The following ATG10 variants were observed in gnomAD, a reference collection of about 807,000 sequenced individuals.
ATG10 encodes ubiquitin-like-conjugating enzyme ATG10.
Under a neutral mutation model 32.1 loss-of-function variants are expected in ATG10, and 30 were observed. The ratio of observed to expected loss-of-function variants is 0.94; its 90% CI spans 0.70 to 1.27. The LOEUF (loss-of-function observed/expected upper bound fraction) is 1.27, where lower values mean the gene tolerates loss of function less well. Among genes scored for constraint, ATG10 ranks in the 50% most tolerant of loss-of-function variants. The pLI is 0.00. For missense variants in ATG10, 233 were observed against 262.3 expected (o/e 0.89, Z 0.77); for synonymous variants, 87 against 91.5 (o/e 0.95, Z 0.28).
intron 3 of ATG10, among the ~76,000 whole-genome samples, chr5:82,135,187 A>G (rs1766673955): frequency 1.3e-5 from 2 of 152,014 alleles, no homozygotes; most frequent in South Asian, 4.2e-4. Context: ...TCCTGGATTC[A>G]TTGATTTTTT....
intron 4 of ATG10, among the ~76,000 whole-genome samples, chr5:82,174,587 G>A (rs1296406038): frequency 6.6e-6 from 1 of 152,114 alleles, no homozygotes; most frequent in Non-Finnish European, 1.5e-5. Context: ...AAACCTATTT[G>A]GGACTAGTAA....
chr5:82,216,633 T>C (rs1745689812), intron 5 of ATG10, among the ~76,000 whole-genome samples: 1 of 152,228 alleles, frequency 6.6e-6, no homozygotes, highest in African/African-American at 2.4e-5. Flanking sequence ...AAGCCACTTC[T>C]AGATACTTGC....
At chr5:82,092,782 GACCCT>G (rs1764935332) in intron 3 of ATG10, among the ~76,000 whole-genome samples, 1 of 152,126 alleles carries the variant, frequency 6.6e-6, no homozygotes, top group Non-Finnish European at 1.5e-5. Context: ...TGAATAAATA[GACCCT>G]ACCTCTTGAG....
At chr5:82,178,721 A>G (rs1475392712) in intron 5 of ATG10, 134 bp downstream of exon 5, 9 of 565,176 alleles carry the variant, frequency 1.6e-5, no homozygotes, top group Non-Finnish European at 2.7e-5. Flanking sequence ...CACCTCAAAG[A>G]CAGTTTCCTT....
At chr5:82,054,638 C>T (rs1237950051) in intron 2 of ATG10, among the ~76,000 whole-genome samples, 1 of 152,200 alleles carries the variant, frequency 6.6e-6, no homozygotes, top group African/African-American at 2.4e-5. Context: ...TGCTTTAGTC[C>T]TTCACCCTCT....
At chr5:82,121,928 A>T (rs940959916) in intron 3 of ATG10, among the ~76,000 whole-genome samples, 2 of 136,818 alleles carry the variant, frequency 1.5e-5, no homozygotes, top group Non-Finnish European at 3.1e-5. Flanking sequence ...TTTTGCATCA[A>T]TATTGGCCTG....
At chr5:82,031,942 A>T (rs1041265506) in intron 2 of ATG10, among the ~76,000 whole-genome samples, 1 of 152,254 alleles carries the variant, frequency 6.6e-6, no homozygotes, top group African/African-American at 2.4e-5. Flanking sequence ...ATTTGGAGCA[A>T]CTATAGCAGC....
intron 5 of ATG10, among the ~76,000 whole-genome samples, chr5:82,216,826 G>T (rs1449280555): frequency 6.6e-6 from 1 of 152,152 alleles, no homozygotes; most frequent in Non-Finnish European, 1.5e-5. Context: ...GGAGGCCGAG[G>T]TGGGTGGATC....
At chr5:82,202,953 G>T (rs775709969) in intron 5 of ATG10, among the ~76,000 whole-genome samples, 1 of 152,136 alleles carries the variant, frequency 6.6e-6, no homozygotes, top group Admixed American at 6.5e-5. Flanking sequence ...GGGGGGCTGG[G>T]TGTGGTGGCT....
chr5:82,097,915 A>G (rs1765123652), intron 3 of ATG10, among the ~76,000 whole-genome samples: 1 of 152,224 alleles, frequency 6.6e-6, no homozygotes, highest in African/African-American at 2.4e-5. Context: ...AACTATTTTA[A>G]CAACAACAAA....
intron 2 of ATG10, among the ~76,000 whole-genome samples, chr5:82,044,572 C>T (rs1355376061): frequency 1.3e-5 from 2 of 151,668 alleles, no homozygotes; most frequent in Non-Finnish European, 2.9e-5. Flanking sequence ...TATTTTCAGA[C>T]TTTTTCTGGA....
intron 5 of ATG10, among the ~76,000 whole-genome samples, chr5:82,213,665 C>T (rs533936435): frequency 6.6e-6 from 1 of 152,290 alleles, no homozygotes; most frequent in Non-Finnish European, 1.5e-5. Context: ...TGGCCAACTC[C>T]ATGCATATTC....
intron 2 of ATG10, among the ~76,000 whole-genome samples, chr5:82,035,620 T>C (rs1489445703): frequency 6.6e-6 from 1 of 151,934 alleles, no homozygotes; most frequent in Non-Finnish European, 1.5e-5. Context: ...TTAATACTAA[T>C]GTTGAGCATA....
intron 2 of ATG10, among the ~76,000 whole-genome samples, chr5:82,024,143 T>G (rs1762528620): frequency 6.6e-6 from 1 of 152,188 alleles, no homozygotes; most frequent in Non-Finnish European, 1.5e-5. Context: ...GGTGAGTAGT[T>G]TATGAAAAAG....
chr5:81,976,040 G>T (rs193301660), intron 1 of ATG10, among the ~76,000 whole-genome samples: 1,768 of 147,548 alleles, frequency 0.012, 25 homozygotes, highest in African/African-American at 0.043. Context: ...TCACTCTGTC[G>T]CCCAGGCTGG....
chr5:82,082,040 A>G (rs772993904), intron 3 of ATG10, among the ~76,000 whole-genome samples: 2 of 152,102 alleles, frequency 1.3e-5, no homozygotes, highest in Non-Finnish European at 2.9e-5. Flanking sequence ...AGACTCTTTC[A>G]TTATCACAAG....
intron 5 of ATG10, among the ~76,000 whole-genome samples, chr5:82,202,355 A>T (rs1392430686): frequency 1.3e-5 from 2 of 152,196 alleles, no homozygotes; most frequent in East Asian, 3.8e-4. Flanking sequence ...CAGAAAAAAA[A>T]ACTGACCTCC....
intron 1 of ATG10, among the ~76,000 whole-genome samples, chr5:81,984,495 T>C (rs941763998): frequency 2.0e-5 from 3 of 152,258 alleles, no homozygotes; most frequent in African/African-American, 7.2e-5. Flanking sequence ...ATCTTTTTAC[T>C]GAGAGTTCAC....
intron 2 of ATG10, chr5:82,010,031 G>A (rs1276146008): frequency 1.2e-6 from 2 of 1,610,602 alleles, no homozygotes; most frequent in Non-Finnish European, 1.7e-6. Flanking sequence ...ACAGCTCAAA[G>A]GAGACGCGGC....
Sources: allele counts gnomAD v4.1 joint callset (sites outside exome capture counted in the v4.1 genomes callset), GRCh38; gene constraint gnomAD v4.1.1; transcripts MANE v1.5; gene names NCBI Gene and HGNC (gene_info 2026-07-23, HGNC 2026-07-21).